The following ULK4 variants were observed in gnomAD, a reference collection of about 807,000 sequenced individuals.
The protein encoded by ULK4 is unc-51 like kinase 4.
Under a neutral mutation model 160.6 loss-of-function variants are expected in ULK4, and 133 were observed. That is an observed-to-expected ratio of 0.83 (90% CI 0.72 to 0.96). The LOEUF is 0.96. ULK4 is among the 40% of genes least tolerant of loss of function. ULK4 has a pLI of 0.00. For synonymous variants in ULK4, 534 were observed against 539.8 expected, an observed-to-expected ratio of 0.99 and a Z score of 0.15; for missense variants, 1,580 against 1,499.5, an observed-to-expected ratio of 1.05 and a Z score of -0.89.
intron 27 of ULK4, among the ~76,000 whole-genome samples, chr3:41,702,978 C>T (rs1009571339): frequency 6.6e-6 from 1 of 151,614 alleles, no homozygotes; most frequent in South Asian, 2.1e-4. Flanking sequence ...CCCAGCCTCC[C>T]GAGTAGCTGG....
intron 19 of ULK4, among the ~76,000 whole-genome samples, chr3:41,811,090 T>C (rs781371761): frequency 2.1e-4 from 32 of 152,162 alleles, no homozygotes; most frequent in Non-Finnish European, 4.6e-4. Context: ...TCTCGCTATG[T>C]TGCCCAGGCT....
intron 32 of ULK4, among the ~76,000 whole-genome samples, chr3:41,556,555 T>C (rs898524698): frequency 7.1e-6 from 1 of 140,254 alleles, no homozygotes; most frequent in African/African-American, 2.6e-5. Context: ...TGGCACAATA[T>C]TGGCTCACTG....
At chr3:41,416,470 CTT>C (rs2082529375) in intron 34 of ULK4, among the ~76,000 whole-genome samples, 1 of 152,132 alleles carries the variant, frequency 6.6e-6, no homozygotes, top group Non-Finnish European at 1.5e-5. Flanking sequence ...CAAAAGGCCT[CTT>C]TGAAGCATTT....
intron 32 of ULK4, among the ~76,000 whole-genome samples, chr3:41,509,258 C>T (rs1248080287): frequency 6.6e-6 from 1 of 151,902 alleles, no homozygotes; most frequent in Non-Finnish European, 1.5e-5. Flanking sequence ...CAAATTAATC[C>T]AATGCATCAA....
intron 35 of ULK4, among the ~76,000 whole-genome samples, chr3:41,355,362 G>A (rs962559498): frequency 1.4e-4 from 21 of 152,174 alleles, no homozygotes; most frequent in Non-Finnish European, 2.9e-4. Flanking sequence ...TCTTGGGCTT[G>A]TCAAAAGCCC....
intron 31 of ULK4, among the ~76,000 whole-genome samples, chr3:41,611,456 T>C (rs937757949): frequency 2.0e-5 from 3 of 152,218 alleles, no homozygotes; most frequent in African/African-American, 7.2e-5. Flanking sequence ...CTGCCCTGAA[T>C]GTGATGTTAG....
chr3:41,816,085 T>A (rs2125625793), intron 19 of ULK4, among the ~76,000 whole-genome samples: 1 of 152,114 alleles, frequency 6.6e-6, no homozygotes, highest in East Asian at 1.9e-4. Flanking sequence ...ATTGTATGTG[T>A]ATACACACAT....
At position 41,738,684 on chromosome 3, in the gene ULK4, C is replaced by T. The variant is rs73828241; in HGVS notation, c.2321+15677G>A. Among the ~76,000 whole-genome samples the T allele has an allele frequency of 1.1e-3, 162 of 152,044 alleles. 6 individuals carry two copies. Among genetic ancestry groups the T allele is most frequent in the African/African-American group, 3.8e-3 (158 of 41,346 alleles). ...CGAGGTCTACAGCAGGTTGGGACAT[C>T]CCTCCAGGTCAAAAACAAGTTATTG... On this transcript the variant is annotated intron_variant, in intron 22 of 36. Coordinates refer to ENST00000301831, the MANE Select transcript of ULK4 (RefSeq NM_017886.4).
At chr3:41,696,095 C>T (rs1025753960) in intron 27 of ULK4, among the ~76,000 whole-genome samples, 2 of 152,140 alleles carry the variant, frequency 1.3e-5, no homozygotes, top group East Asian at 3.9e-4. Flanking sequence ...CTTAGCGGAA[C>T]GGGAAAGGCA....
intron 17 of ULK4, among the ~76,000 whole-genome samples, chr3:41,838,750 A>T (rs1010144437): frequency 6.6e-6 from 1 of 152,212 alleles, no homozygotes; most frequent in African/African-American, 2.4e-5. Context: ...TGAAGCAAAA[A>T]CTGATCGAAC....
At chr3:41,464,379 C>T (rs999847266) in intron 32 of ULK4, among the ~76,000 whole-genome samples, 1 of 152,172 alleles carries the variant, frequency 6.6e-6, no homozygotes, top group African/African-American at 2.4e-5. Flanking sequence ...AAGTCTCACA[C>T]AACTGCTAAG....
chr3:41,675,050 G>C lies in ULK4; in HGVS notation c.2978+6458C>G, dbSNP rs1484945273. 3.3e-5 allele frequency among the ~76,000 whole-genome samples: 5 copies of C among 152,132 alleles called. No homozygotes were observed. In the East Asian group the frequency reaches 9.7e-4, roughly 29 times the overall value. ...AGGTCAAGAGATCGAGACCATCCTG[G>C]CCAACATGGTGAAACCCCGTATCTA... is the stretch of plus-strand genomic sequence containing the variant. On this transcript the variant is annotated intron_variant, in intron 29 of 36. Coordinates refer to ENST00000301831, the MANE Select transcript of ULK4 (RefSeq NM_017886.4).
intron 32 of ULK4, among the ~76,000 whole-genome samples, chr3:41,534,769 A>G (rs574835445): frequency 2.0e-5 from 3 of 152,324 alleles, no homozygotes; most frequent in South Asian, 2.1e-4. Context: ...TGCATATTTT[A>G]TCACTTAGAA....
intron 25 of ULK4, among the ~76,000 whole-genome samples, chr3:41,713,089 A>G (rs1427573095): frequency 3.3e-5 from 5 of 150,814 alleles, no homozygotes; most frequent in Non-Finnish European, 5.9e-5. Flanking sequence ...AAAAAAAAGA[A>G]AAAAAAAAGC....
chr3:41,762,010 G>C (rs549677552), intron 21 of ULK4, among the ~76,000 whole-genome samples: 2 of 152,146 alleles, frequency 1.3e-5, no homozygotes, highest in Non-Finnish European at 2.9e-5. Context: ...CTTGAGCCCA[G>C]GAGGTCGAGG....
intron 21 of ULK4, among the ~76,000 whole-genome samples, chr3:41,780,427 G>A (rs1027456709): frequency 1.3e-5 from 2 of 151,728 alleles, no homozygotes; most frequent in East Asian, 1.9e-4. Flanking sequence ...AGAAAATATC[G>A]TGGCACCCAC....
chr3:41,613,689 A>G (rs1417668311), intron 31 of ULK4, among the ~76,000 whole-genome samples: 2 of 152,260 alleles, frequency 1.3e-5, no homozygotes, highest in African/African-American at 4.8e-5. Flanking sequence ...TCAACTCAAA[A>G]AAGACAAAAG....
chr3:41,873,871 G>GT (rs1257036983), intron 17 of ULK4, among the ~76,000 whole-genome samples: 5 of 142,336 alleles, frequency 3.5e-5, no homozygotes, highest in African/African-American at 1.3e-4. Flanking sequence ...TTGTTTTTGT[G>GT]GTTTTTTTTG....
intron 30 of ULK4, among the ~76,000 whole-genome samples, chr3:41,647,146 C>T (rs2034532790): frequency 6.6e-6 from 1 of 152,124 alleles, no homozygotes; most frequent in African/African-American, 2.4e-5. Context: ...GAATTTTCTC[C>T]TGTAGCTCGG....
Sources: gnomAD v4.1 joint callset for allele counts (sites outside exome capture counted in the v4.1 genomes callset) on GRCh38, gnomAD v4.1.1 for gene constraint, MANE v1.5 for transcripts, NCBI Gene and HGNC (gene_info 2026-07-23, HGNC 2026-07-21) for gene names.